Variants in KCNC2 observed in about 807,000 individuals in gnomAD.
KCNC2 encodes the protein voltage-gated potassium channel KCNC2.
Under a neutral mutation model 44.5 loss-of-function variants are expected in KCNC2, and 21 were observed. That is an observed-to-expected ratio of 0.47 (90% CI 0.33 to 0.68). The LOEUF (loss-of-function observed/expected upper bound fraction) is 0.68, where lower values mean the gene tolerates loss of function less well. Ranked by LOEUF, KCNC2 falls within the 30% of genes least tolerant of loss-of-function variation. The pLI is 0.01. For missense variants in KCNC2, 589 were observed against 826.2 expected, an observed-to-expected ratio of 0.71 and a Z score of 3.52; for synonymous variants, 391 against 339.1, an observed-to-expected ratio of 1.15 and a Z score of -1.68.
chr12:75,153,258 G>A (rs1188226914), intron 2 of KCNC2, among the ~76,000 whole-genome samples: 2 of 151,958 alleles, frequency 1.3e-5, no homozygotes, highest in Admixed American at 6.6e-5. Context: ...TAGCAACGAT[G>A]TTTATTTTAT....
At chr12:75,093,567 A>G (rs969593817) in intron 2 of KCNC2, among the ~76,000 whole-genome samples, 2 of 151,686 alleles carry the variant, frequency 1.3e-5, no homozygotes, top group African/African-American at 4.8e-5. Context: ...TAGCGGTATT[A>G]ATCACAACAT....
At chr12:75,153,933 A>T (rs1012260838) in intron 2 of KCNC2, among the ~76,000 whole-genome samples, 7 of 151,818 alleles carry the variant, frequency 4.6e-5, no homozygotes, top group Non-Finnish European at 1.0e-4. Context: ...GAGGCAGAAA[A>T]GGTGGAGGAG....
chr12:75,043,900 AT>A, intron 4 of KCNC2: 1 of 808,282 alleles, frequency 1.2e-6, no homozygotes, highest in Non-Finnish European at 1.8e-6. Flanking sequence ...TTTGAATTTG[AT>A]TACATGATGT....
chr12:75,169,440 A>G (rs1891666758), intron 2 of KCNC2, among the ~76,000 whole-genome samples: 1 of 151,594 alleles, frequency 6.6e-6, no homozygotes, highest in African/African-American at 2.4e-5. Flanking sequence ...AGTGTGCAAA[A>G]TGATAATTTA....
At chr12:75,198,414 G>A (rs1397663489) in intron 2 of KCNC2, among the ~76,000 whole-genome samples, 1 of 151,762 alleles carries the variant, frequency 6.6e-6, no homozygotes, top group Non-Finnish European at 1.5e-5. Flanking sequence ...AGTCAGTTAA[G>A]GTTCTATTCT....
chr12:75,040,796 C>G lies in KCNC2; in HGVS notation c.*2309G>C, dbSNP rs541413645. On this transcript the variant is annotated 3_prime_UTR_variant, in exon 5 of 5. Transcript: ENST00000549446. ...AAACTATACTACATCAGTATCACTG[C>G]CTTAAGTAATTCACAGCACAACCTA... 1 of 308,668 alleles carries G rather than the reference C, an allele frequency of 3.2e-6. No homozygotes were observed. Among genetic ancestry groups the G allele is most frequent in the Admixed American group, 4.3e-5 (1 of 23,510 alleles). The allele number at this position is 308,668 out of a possible 1,614,324, so 19.1% of individuals were successfully genotyped here.
intron 4 of KCNC2, among the ~76,000 whole-genome samples, chr12:75,047,323 A>AT (rs1199569521): frequency 6.6e-6 from 1 of 152,072 alleles, no homozygotes; most frequent in Non-Finnish European, 1.5e-5. Context: ...CCAAAAGGGA[A>AT]TAAAAAACCT....
intron 2 of KCNC2, among the ~76,000 whole-genome samples, chr12:75,061,558 G>T (rs898391507): frequency 1.6e-5 from 2 of 124,052 alleles, no homozygotes; most frequent in African/African-American, 5.7e-5. Flanking sequence ...AGAAATATAA[G>T]TGACAAGTAC....
intron 2 of KCNC2, among the ~76,000 whole-genome samples, chr12:75,102,816 C>A (rs559410626): frequency 7.2e-5 from 11 of 152,008 alleles, no homozygotes; most frequent in African/African-American, 1.2e-4. Flanking sequence ...ATCTCCCCCC[C>A]ACCCACACGT....
chr12:75,137,713 A>G (rs1889334322), intron 2 of KCNC2, among the ~76,000 whole-genome samples: 1 of 152,208 alleles, frequency 6.6e-6, no homozygotes. Flanking sequence ...CTTTAAAACA[A>G]AAAAATTATA....
At chr12:75,169,683 C>A (rs550754396) in intron 2 of KCNC2, among the ~76,000 whole-genome samples, 1 of 151,474 alleles carries the variant, frequency 6.6e-6, no homozygotes, top group Non-Finnish European at 1.5e-5. Flanking sequence ...TTGTTGTTTT[C>A]TTTCTTTTCT....
At chr12:75,128,595 C>T (rs770836160) in intron 2 of KCNC2, among the ~76,000 whole-genome samples, 40 of 152,054 alleles carry the variant, frequency 2.6e-4, no homozygotes, top group Non-Finnish European at 5.6e-4. Flanking sequence ...ACCCAATCTC[C>T]TCTGTTCAGA....
At chr12:75,050,292 C>T in intron 3 of KCNC2, 98 bp downstream of exon 3, 1 of 916,130 alleles carries the variant, frequency 1.1e-6, no homozygotes, top group Non-Finnish European at 1.7e-6. Context: ...GCTGAAAACT[C>T]ATGAACATTT....
rs893476385 is a variant in KCNC2 at position 75,207,799 on chromosome 12, G to A, written c.185C>T (p.Ser62Leu). ...DKLQPSPPPL[S>L]PPPRAPPLSP... ...CAGCGGGGGCGCTCTCGGCGGCGGC[G>A]ACAGTGGAGGCGGCGACGGCTGCAG... Residue 62 changes from serine to leucine, a missense_variant, in exon 2 of 5, where the codon TCG becomes TTG. Transcript: ENST00000549446. The surrounding 1 kb of genome is among the most constrained non-coding windows in gnomAD (Gnocchi z 4.1). 3 of 1,597,872 alleles carry A rather than the reference G, an allele frequency of 1.9e-6. No individual in the cohort carries two copies. The highest frequency in any genetic ancestry group is 2.6e-6 in the Non-Finnish European group (3 of 1,174,134).
chr12:75,126,804 C>T (rs1004968405), intron 2 of KCNC2, among the ~76,000 whole-genome samples: 1 of 152,168 alleles, frequency 6.6e-6, no homozygotes, highest in African/African-American at 2.4e-5. Context: ...ATTATTCTAG[C>T]AGTAAAGAAA....
Position 75,040,932 on chromosome 12 carries a change from C to A in KCNC2, c.*2173G>T. 1.7e-6 allele frequency: 1 copy of A among 594,466 alleles called. No individual in the cohort carries two copies. Among genetic ancestry groups the A allele is most frequent in the Non-Finnish European group, 3.0e-6 (1 of 332,944 alleles). 36.8% of individuals were successfully genotyped at this position (594,466 alleles called of 1,614,324 possible). ...ATGAGAAATGGCCAAGACTGTTGAC[C>A]CATGCACACATGTTGGTATTTACAG... On this transcript the variant is annotated 3_prime_UTR_variant, in exon 5 of 5. Transcript: ENST00000549446.
chr12:75,092,044 C>T (rs551630550), intron 2 of KCNC2, among the ~76,000 whole-genome samples: 9 of 151,642 alleles, frequency 5.9e-5, no homozygotes, highest in African/African-American at 2.2e-4. Context: ...TCAAAATGTA[C>T]TTTCTGGGCC....
intron 2 of KCNC2, among the ~76,000 whole-genome samples, chr12:75,169,471 T>A (rs575775298): frequency 6.6e-6 from 1 of 151,646 alleles, no homozygotes; most frequent in South Asian, 2.1e-4. Flanking sequence ...ATTTATGAAA[T>A]CAAAAGAGAT....
At chr12:75,075,599 T>TG (rs1883882564) in intron 2 of KCNC2, among the ~76,000 whole-genome samples, 1 of 151,734 alleles carries the variant, frequency 6.6e-6, no homozygotes, top group Non-Finnish European at 1.5e-5. Flanking sequence ...CTTGAATCTG[T>TG]GGGGGTTGCG....
Sources: allele counts gnomAD v4.1 joint callset (sites outside exome capture counted in the v4.1 genomes callset), GRCh38; gene constraint gnomAD v4.1.1; non-coding constraint Gnocchi (gnomAD v3.1); transcripts MANE v1.5; gene names NCBI Gene and HGNC (gene_info 2026-07-23, HGNC 2026-07-21).